Variants in KYAT3 observed in about 807,000 individuals in gnomAD.
The protein encoded by KYAT3 is kynurenine--oxoglutarate transaminase 3.
In KYAT3, 50 loss-of-function variants were observed where a neutral mutation model predicts 59.0. The observed-to-expected ratio is 0.85, with a 90% CI of 0.68 to 1.07. KYAT3 has a LOEUF of 1.07. KYAT3 is among the 50% of genes least tolerant of loss of function. The pLI, the probability that KYAT3 is intolerant of heterozygous loss-of-function variation, is 0.00. For synonymous variants in KYAT3, 148 were observed against 177.0 expected, an observed-to-expected ratio of 0.84 and a Z score of 1.30; for missense variants, 497 against 533.3, an observed-to-expected ratio of 0.93 and a Z score of 0.67.
At chr1:88,939,064 TGA>T (rs777836677) in intron 13 of KYAT3, among the ~76,000 whole-genome samples, 22 of 152,286 alleles carry the variant, frequency 1.4e-4, no homozygotes, top group Middle Eastern at 3.4e-3. Context: ...TCTCAATTTG[TGA>T]GAGTGTTTTA....
At chr1:88,946,174 G>A (rs1675434880) in intron 11 of KYAT3, among the ~76,000 whole-genome samples, 1 of 152,164 alleles carries the variant, frequency 6.6e-6, no homozygotes, top group African/African-American at 2.4e-5. Flanking sequence ...AAAAAGCTAA[G>A]TTTCTTTTTA....
At position 88,967,545 on chromosome 1, in the gene KYAT3, G is replaced by T. The variant is rs971293692; in HGVS notation, c.303+1125C>A. ...AGGTATTGAGGTTTGTTTGCAGGAA[G>T]ACTTTAATTACAAATTCATTTTCTT... is the stretch of plus-strand genomic sequence containing the variant. On this transcript the variant is annotated intron_variant, in intron 4 of 13. Coordinates refer to ENST00000260508, the MANE Select transcript of KYAT3 (RefSeq NM_001008661.3). Among the ~76,000 whole-genome samples, 7 of 152,146 alleles carry T rather than the reference G, an allele frequency of 4.6e-5. No individual in the cohort carries two copies. In the South Asian group the frequency reaches 1.0e-3, roughly 23 times the overall value.
intron 13 of KYAT3, among the ~76,000 whole-genome samples, chr1:88,942,753 G>C (rs1006761194): frequency 1.3e-5 from 2 of 151,842 alleles, no homozygotes; most frequent in Non-Finnish European, 2.9e-5. Context: ...TAGTAGAGAC[G>C]GGGTTTCACT....
rs549156092 is a variant in KYAT3, at chr1:88,941,858, ATATCT to A, written c.1302+1142_1302+1146del. Among the ~76,000 whole-genome samples, 5 of 152,318 alleles carry A rather than the reference ATATCT, an allele frequency of 3.3e-5. No individual in the cohort carries two copies. The South Asian group carries it at 1.0e-3, about 32-fold the overall frequency. On this transcript the variant is annotated intron_variant, in intron 13 of 13. Coordinates refer to ENST00000260508, the MANE Select transcript of KYAT3 (RefSeq NM_001008661.3). ...TACACCTGACCTCTGGCTGCCTTTA[ATATCT>A]TATCTTCACTTTTGTTTTCAGCAGT...
chr1:88,949,011 A>T (rs1010842334), intron 11 of KYAT3, 80 bp downstream of exon 11: 13 of 1,211,422 alleles, frequency 1.1e-5, no homozygotes, highest in South Asian at 7.4e-5. Context: ...TGGCTTTGAC[A>T]CCAATCTTTT....
At chr1:88,956,221 G>A (rs999715441) in intron 8 of KYAT3, among the ~76,000 whole-genome samples, 3 of 152,186 alleles carry the variant, frequency 2.0e-5, no homozygotes, top group Non-Finnish European at 2.9e-5. Flanking sequence ...TGCTTATAGT[G>A]TGAATTGAAA....
rs1677590874 is a variant in KYAT3, at chr1:88,988,330, G to C, written c.21C>G (p.Ser7Arg). The C allele has an allele frequency of 2.5e-6, 4 of 1,611,172 alleles. No homozygotes were observed. Among genetic ancestry groups the C allele is most frequent in the Non-Finnish European group, 3.4e-6 (4 of 1,178,692 alleles). Residue 7 changes from serine (S) to arginine (R), a missense_variant, in exon 2 of 14, where the codon AGC becomes AGG. Coordinates refer to ENST00000260508, the MANE Select transcript of KYAT3 (RefSeq NM_001008661.3). ...TTGCTCTACCGCTAAGAGAGCAGAG[G>C]CTCCTCTGGGCCAAAAACATGCTAT... MFLAQR[S>R]LCSLSGRAKF...
At chr1:88,930,647 C>T in the KYAT3 span, among the ~76,000 whole-genome samples, 1 of 152,034 alleles carries the variant, frequency 6.6e-6, no homozygotes, top group Non-Finnish European at 1.5e-5. Flanking sequence ...CACTTGGGCA[C>T]TAAAATTAAG....
chr1:88,985,521 G>A (rs138349926), intron 2 of KYAT3, among the ~76,000 whole-genome samples: 13 of 152,304 alleles, frequency 8.5e-5, no homozygotes, highest in African/African-American at 2.2e-4. Flanking sequence ...CAAGTATATT[G>A]TTCAAGGTTG....
At chr1:88,943,475 T>C in intron 11 of KYAT3, 52 bp from the exon 12 acceptor site, 1 of 883,388 alleles carries the variant, frequency 1.1e-6, no homozygotes. Context: ...TGATGCAACA[T>C]GTATTTCATT....
chr1:88,944,094 T>C (rs2101019595), intron 11 of KYAT3, among the ~76,000 whole-genome samples: 1 of 152,350 alleles, frequency 6.6e-6, no homozygotes, highest in Admixed American at 6.5e-5. Flanking sequence ...GCCTCAATTT[T>C]GCTTTAAGGT....
rs749668471 is a variant in KYAT3, at chr1:88,961,380, C to A, written c.666+1G>T. The A allele has an allele frequency of 1.2e-6, 2 of 1,613,772 alleles. No homozygotes were observed. The highest frequency in any genetic ancestry group is 2.7e-5 in the African/African-American group (2 of 75,014). ...TGTATAAGGAGATGAGACTTGCTTA[C>A]CTTGCCAAGTGGGTTATGTGGAGTA... On this transcript the variant is annotated splice_donor_variant, in intron 7 of 13. Coordinates refer to ENST00000260508, the MANE Select transcript of KYAT3 (RefSeq NM_001008661.3). LOFTEE classifies it high-confidence loss of function.
chr1:88,933,564 A>G (rs1380685892), downstream of KYAT3, among the ~76,000 whole-genome samples: 4 of 152,214 alleles, frequency 2.6e-5, no homozygotes, highest in Non-Finnish European at 4.4e-5. Flanking sequence ...AATCAGTGAA[A>G]GAATTTTCTA....
At position 88,962,137 on chromosome 1, in the gene KYAT3, T is replaced by C; in HGVS notation, c.462A>G (p.Leu154=). 2 of 1,611,486 alleles carry C rather than the reference T, an allele frequency of 1.2e-6. No individual in the cohort carries two copies. Among genetic ancestry groups the C allele is most frequent in the South Asian group, 1.1e-5 (1 of 91,040 alleles). The part of the protein sequence containing the change: ...ALIDEGDEVI[L]IVPFYDCYEP... ...CATAGCAGTCATAGAAAGGCACTAT[T>C]AGTATGACCTGCAATAAAAGCAAAT... The change falls in exon 6 of 14, where the codon CTA becomes CTG. Residue 154 remains leucine (L), a synonymous_variant. Coordinates refer to ENST00000260508, the MANE Select transcript of KYAT3 (RefSeq NM_001008661.3).
At chr1:88,930,499 C>T in the KYAT3 span, among the ~76,000 whole-genome samples, 1 of 152,134 alleles carries the variant, frequency 6.6e-6, no homozygotes, top group Non-Finnish European at 1.5e-5. Flanking sequence ...CCCACCTCAA[C>T]TTGTATACTG....
chr1:88,930,363 C>T, the KYAT3 span, among the ~76,000 whole-genome samples: 422 of 152,230 alleles, frequency 2.8e-3, 3 homozygotes, highest in African/African-American at 9.5e-3. Context: ...TGTGCACTTG[C>T]GCAACTCTTA....
At chr1:88,935,754 A>G, downstream of KYAT3, 1 of 369,618 alleles carries the variant, frequency 2.7e-6, no homozygotes, top group Non-Finnish European at 4.8e-6. Context: ...GAGTTTTTAC[A>G]CAATGGTGGA....
the KYAT3 span, chr1:88,923,804 T>C: frequency 4.1e-6 from 1 of 243,236 alleles, no homozygotes; most frequent in Admixed American, 6.0e-5. Context: ...GAGCCAAAAG[T>C]ATGCCCTCTA....
At position 88,959,277 on chromosome 1, in the gene KYAT3, T is replaced by TA. The variant is rs774196304; in HGVS notation, c.787+1889dup. Among the ~76,000 whole-genome samples the TA allele has an allele frequency of 3.5e-3, 478 of 135,640 alleles. 5 individuals are homozygous for TA. The highest frequency in any genetic ancestry group is 9.8e-3 in the African/African-American group (363 of 36,986). 89.0% of individuals were successfully genotyped at this position (135,640 alleles called of 152,430 possible). Reference sequence around the variant, plus strand: ...GGTGACACAGCGAGACCCTGTCTCTTAAAAAAAAAAAAAAATTAAGGCTGG... The same window carrying TA: ...GGTGACACAGCGAGACCCTGTCTCTTAAAAAAAAAAAAAAAATTAAGGCTGG... On this transcript the variant is annotated intron_variant, in intron 8 of 13. Coordinates refer to ENST00000260508, the MANE Select transcript of KYAT3 (RefSeq NM_001008661.3).
Sources: gnomAD v4.1 joint callset for allele counts (sites outside exome capture counted in the v4.1 genomes callset) on GRCh38, gnomAD v4.1.1 for gene constraint, MANE v1.5 for transcripts, NCBI Gene and HGNC (gene_info 2026-07-23, HGNC 2026-07-21) for gene names.